Variants in THBS4 observed in about 807,000 individuals in gnomAD.
THBS4 encodes thrombospondin 4.
THBS4 carries 90 observed loss-of-function variants against 115.7 expected under a neutral mutation model. That is an observed-to-expected ratio of 0.78 (90% CI 0.66 to 0.93). The LOEUF is 0.93. Ranked by LOEUF, THBS4 falls within the 40% of genes least tolerant of loss-of-function variation. The pLI is 0.00. For synonymous variants in THBS4, 460 were observed against 479.3 expected, an observed-to-expected ratio of 0.96 and a Z score of 0.53; for missense variants, 1,087 against 1,232.7, an observed-to-expected ratio of 0.88 and a Z score of 1.77.
chr5:80,036,206 T>C lies in THBS4; in HGVS notation c.88+581T>C, dbSNP rs992247189. 7.1e-6 allele frequency: 7 copies of C among 985,204 alleles called. No homozygotes were observed. The African/African-American group carries it at 1.0e-4, about 15-fold the overall frequency. The allele number at this position is 985,204 out of a possible 1,614,324, so 61.0% of individuals were successfully genotyped here. A position where few individuals can be genotyped will look rare whatever the true frequency, so the allele number is the denominator to read the frequency against. On this transcript the variant is annotated intron_variant, in intron 1 of 21. Coordinates refer to ENST00000350881, the MANE Select transcript of THBS4 (RefSeq NM_003248.6). ...AATAGGAAGGGCTGAGAAACTGGTC[T>C]TTTTCAATGAAATCAGTTCTTTGCA...
At chr5:80,039,284 G>T (rs1402052908) in intron 1 of THBS4, among the ~76,000 whole-genome samples, 2 of 152,120 alleles carry the variant, frequency 1.3e-5, no homozygotes, top group Non-Finnish European at 2.9e-5. Flanking sequence ...ACCCAAATTT[G>T]GCCTTTGCCT....
intron 10 of THBS4, 42 bp from the exon 11 acceptor site, chr5:80,070,264 A>C (rs750592742): frequency 1.3e-6 from 2 of 1,509,652 alleles, no homozygotes. Flanking sequence ...GCTTCCTGCC[A>C]GGCTCAGCTT....
chr5:80,027,894 C>CAAA (rs1159986888), intron 2 of THBS4, among the ~76,000 whole-genome samples: 9,500 of 47,438 alleles, frequency 0.2, 578 homozygotes, highest in African/African-American at 0.24. Context: ...ACCCTGTCTC[C>CAAA]AAAAAAAAAA....
intron 7 of THBS4, among the ~76,000 whole-genome samples, chr5:80,060,639 G>A (rs1430363221): frequency 6.6e-6 from 1 of 152,122 alleles, no homozygotes; most frequent in Non-Finnish European, 1.5e-5. Flanking sequence ...ATGTGCCTGT[G>A]GTCCCAGCTA....
chr5:80,061,737 T>C lies in THBS4; in HGVS notation c.1030T>C (p.Leu344=). The change falls in exon 8 of 22, where the codon TTG becomes CTG. Residue 344 remains leucine (L), a synonymous_variant. Coordinates refer to ENST00000350881, the MANE Select transcript of THBS4 (RefSeq NM_003248.6). ...CTACCCGGGCGTGCACTGCATAAAT[T>C]TGTCTCCTGGCTTCAGATGTGACGC... is the stretch of plus-strand genomic sequence containing the variant. ...PCYPGVHCIN[L]SPGFRCDACP... 1 of 1,614,138 alleles carries C rather than the reference T, an allele frequency of 6.2e-7. No homozygotes were observed.
chr5:80,043,343 T>A (rs1415890760), intron 2 of THBS4, among the ~76,000 whole-genome samples: 4 of 152,184 alleles, frequency 2.6e-5, no homozygotes, highest in African/African-American at 9.7e-5. Flanking sequence ...GAGCCTGTGG[T>A]TGAGACTCCC....
Position 80,080,061 on chromosome 5 carries a change from CAGGTGGGCTACATCAGGT to C in THBS4, c.2673_2684+6del. The C allele has an allele frequency of 1.2e-6, 2 of 1,613,932 alleles. No individual in the cohort carries two copies. The highest frequency in any genetic ancestry group is 1.7e-6 in the Non-Finnish European group (2 of 1,179,912). ...CCGCTGGTTCCTACAGCACAGGCCC[CAGGTGGGCTACATCAGGT>C]AGGTAGAGGCCCCATCTCCTTACCT... On this transcript the variant is annotated splice_donor_variant and coding_sequence_variant, in exon 20 of 22. Coordinates refer to ENST00000350881, the MANE Select transcript of THBS4 (RefSeq NM_003248.6). LOFTEE classifies it high-confidence loss of function.
chr5:80,073,278 G>A lies in THBS4; in HGVS notation c.1843G>A (p.Asp615Asn), dbSNP rs1742993116. ...ACATGTGCTGTTCTCTTTGCAGTCT[G>A]ATGTGGATAATGATCTGGTTGGGGA... The part of the protein sequence containing the change: ...CPDVSNPNQS[D>N]VDNDLVGDSC... The change falls in exon 15 of 22, where the codon GAT becomes AAT. Residue 615 changes from aspartate (D) to asparagine (N), a missense_variant. By Grantham distance (23) the Asp-to-Asn change is conservative. This residue lies in a region of THBS4 where 979 missense variants were observed against 1,103.7 expected (regional missense o/e 0.89). Coordinates refer to ENST00000350881, the MANE Select transcript of THBS4 (RefSeq NM_003248.6). 1.2e-6 allele frequency: 2 copies of A among 1,613,944 alleles called. No homozygotes were observed. The highest frequency in any genetic ancestry group is 1.7e-5 in the Admixed American group (1 of 60,000).
intron 2 of THBS4, among the ~76,000 whole-genome samples, chr5:80,025,135 A>G (rs1471970673): frequency 6.6e-6 from 1 of 152,164 alleles, no homozygotes; most frequent in Non-Finnish European, 1.5e-5. Context: ...TCTGAATGAG[A>G]TATTTAAAGT....
chr5:80,056,530 A>T (rs1435247493), intron 3 of THBS4, among the ~76,000 whole-genome samples: 1 of 152,206 alleles, frequency 6.6e-6, no homozygotes, highest in Non-Finnish European at 1.5e-5. Context: ...GCTTAGCTGC[A>T]TTTGGTCTTA....
At position 80,059,718 on chromosome 5, in the gene THBS4, A is replaced by G. The variant is rs1029758846; in HGVS notation, c.800A>G (p.Gln267Arg). 1.2e-6 allele frequency: 2 copies of G among 1,614,000 alleles called. No homozygotes were observed. Among genetic ancestry groups the G allele is most frequent in the Non-Finnish European group, 1.7e-6 (2 of 1,179,986 alleles). Residue 267 changes from glutamine (Q) to arginine (R), a missense_variant, in exon 7 of 22, where the codon CAG (glutamine) becomes CGG (arginine). Gln to Arg is a conservative substitution (Grantham distance 43, BLOSUM62 1). Coordinates refer to ENST00000350881, the MANE Select transcript of THBS4 (RefSeq NM_003248.6). The part of the protein sequence containing the change: ...ECQACGPLKF[Q>R]SPTPSTVVPP... Reference sequence around the variant, plus strand: ...TTTTCTCTAGGTCCTCTCAAGTTTCAGTCTCCGACCCCAAGCACGGTGGTG... The same window carrying G: ...TTTTCTCTAGGTCCTCTCAAGTTTCGGTCTCCGACCCCAAGCACGGTGGTG...
In THBS4 at chr5:80,055,899, G is replaced by C; in HGVS notation, c.407G>C (p.Arg136Pro). The C allele has an allele frequency of 6.2e-7, 1 of 1,614,180 alleles. No homozygotes were observed. Among genetic ancestry groups the C allele is most frequent in the East Asian group, 2.2e-5 (1 of 44,888 alleles). Residue 136 changes from arginine to proline, a missense_variant, in exon 3 of 22, where the codon CGA becomes CCA. This residue lies in a region of THBS4 where 979 missense variants were observed against 1,103.7 expected (regional missense o/e 0.89). Transcript: ENST00000350881. ...CTCCTGAGGCTGAGCAATTTGCAGC[G>C]AGGGGCCGGCTCCCTAGAGCTCTAC... is the stretch of plus-strand genomic sequence containing the variant. ...RILLRLSNLQ[R>P]GAGSLELYLD...
At chr5:80,005,122 C>T (rs181494865) in intron 2 of THBS4, among the ~76,000 whole-genome samples, 13 of 152,276 alleles carry the variant, frequency 8.5e-5, no homozygotes, top group African/African-American at 3.1e-4. Flanking sequence ...AAAGGTCACA[C>T]GGAAAAGTTG....
chr5:80,029,059 T>C (rs1375643816), intron 2 of THBS4, among the ~76,000 whole-genome samples: 1 of 152,318 alleles, frequency 6.6e-6, no homozygotes, highest in Non-Finnish European at 1.5e-5. Context: ...GAAGTAATAC[T>C]ATTCATTTGC....
intron 2 of THBS4, among the ~76,000 whole-genome samples, chr5:80,016,891 CAA>C (rs1832262880): frequency 6.6e-6 from 1 of 152,160 alleles, no homozygotes; most frequent in African/African-American, 2.4e-5. Flanking sequence ...AACAAAACAG[CAA>C]AAGAGTTTCC....
At position 80,040,234 on chromosome 5, in the gene THBS4, C is replaced by T. The variant is rs372405988; in HGVS notation, c.246C>T (p.Asp82=). 1.9e-6 allele frequency: 3 copies of T among 1,614,078 alleles called. No individual in the cohort carries two copies. The highest frequency in any genetic ancestry group is 1.7e-6 in the Non-Finnish European group (2 of 1,179,996). ...TCTTCGGTCTTTACTCTTCAACTGA[C>T]AACAGTAAATATTTTGAATTTACTG... is the stretch of plus-strand genomic sequence containing the variant. The part of the protein sequence containing the change: ...ATIFGLYSST[D]NSKYFEFTVM... The change falls in exon 2 of 22, where the codon GAC becomes GAT. Residue 82 remains aspartate (D), a synonymous_variant. Coordinates refer to ENST00000350881, the MANE Select transcript of THBS4 (RefSeq NM_003248.6).
chr5:80,017,211 T>C (rs1338764858), intron 2 of THBS4, among the ~76,000 whole-genome samples: 1 of 152,098 alleles, frequency 6.6e-6, no homozygotes, highest in Non-Finnish European at 1.5e-5. Flanking sequence ...AGGTACAAAA[T>C]AATACCGTAA....
At chr5:80,011,385 A>G (rs757698305) in intron 2 of THBS4, among the ~76,000 whole-genome samples, 2 of 152,148 alleles carry the variant, frequency 1.3e-5, no homozygotes, top group Non-Finnish European at 2.9e-5. Context: ...CAGCCACCAT[A>G]GTTGCCACGG....
intron 13 of THBS4, 146 bp from the exon 14 acceptor site, chr5:80,072,132 A>C: frequency 1.4e-6 from 1 of 702,818 alleles, no homozygotes; most frequent in South Asian, 1.7e-5. Flanking sequence ...CGTCCTTTGA[A>C]GCTACCTCTG....
Sources: gnomAD v4.1 joint callset for allele counts (sites outside exome capture counted in the v4.1 genomes callset) on GRCh38, gnomAD v4.1.1 for gene constraint, gnomAD v4.1.1 regional missense constraint, MANE v1.5 for transcripts, NCBI Gene and HGNC (gene_info 2026-07-23, HGNC 2026-07-21) for gene names.